The following PITPNC1 variants were observed in gnomAD, a reference collection of about 807,000 sequenced individuals.
PITPNC1 encodes cytoplasmic phosphatidylinositol transfer protein 1.
Under a neutral mutation model 44.7 loss-of-function variants are expected in PITPNC1, and 18 were observed. The ratio of observed to expected loss-of-function variants is 0.40; its 90% CI spans 0.28 to 0.60. The LOEUF (loss-of-function observed/expected upper bound fraction) is 0.60, where lower values mean the gene tolerates loss of function less well. PITPNC1 is among the 20% of genes least tolerant of loss of function. The probability of loss-of-function intolerance (pLI) is 0.39; values close to 1 mark genes in which losing one functional copy is unlikely to be tolerated. For missense variants in PITPNC1, 290 were observed against 418.4 expected (o/e 0.69, Z 2.68); for synonymous variants, 141 against 149.6 (o/e 0.94, Z 0.42).
intron 5 of PITPNC1, among the ~76,000 whole-genome samples, chr17:67,626,451 C>T (rs1237933620): frequency 2.0e-5 from 3 of 152,232 alleles, no homozygotes; most frequent in Non-Finnish European, 4.4e-5. Context: ...CTCACTGCAG[C>T]CTCCACCTCC....
At chr17:67,605,616 T>C (rs954223750) in intron 5 of PITPNC1, among the ~76,000 whole-genome samples, 1 of 152,096 alleles carries the variant, frequency 6.6e-6, no homozygotes, top group Non-Finnish European at 1.5e-5. Context: ...GTAAAAAGAG[T>C]ACAGTAAGTC....
chr17:67,511,259 C>T (rs2949934), intron 1 of PITPNC1, among the ~76,000 whole-genome samples: 18,497 of 152,096 alleles, frequency 0.12, 1,564 homozygotes, highest in African/African-American at 0.25. Context: ...TGATGGACAA[C>T]TGGAGTTTTT....
At chr17:67,669,715 T>C (rs377737163) in intron 7 of PITPNC1, 52 bp downstream of exon 7, 34 of 1,318,940 alleles carry the variant, frequency 2.6e-5, no homozygotes, top group Non-Finnish European at 3.3e-5. Flanking sequence ...ACTGTCTATA[T>C]TGCCAAATTG....
chr17:67,608,269 A>C (rs1177605414), intron 5 of PITPNC1, among the ~76,000 whole-genome samples: 2 of 142,534 alleles, frequency 1.4e-5, no homozygotes, highest in Non-Finnish European at 3.1e-5. Context: ...AAAAAAAAAA[A>C]CCACTTCCTA....
At chr17:67,430,662 A>G (rs1456993473) in intron 1 of PITPNC1, among the ~76,000 whole-genome samples, 1 of 151,180 alleles carries the variant, frequency 6.6e-6, no homozygotes, top group Non-Finnish European at 1.5e-5. Context: ...CTAAACAACA[A>G]CAACAAAACA....
intron 1 of PITPNC1, among the ~76,000 whole-genome samples, chr17:67,425,560 C>G (rs2038752418): frequency 7.0e-6 from 1 of 142,814 alleles, no homozygotes; most frequent in Admixed American, 7.3e-5. Context: ...CTTGCTCTGT[C>G]ACCCGGGCTG....
intron 1 of PITPNC1, among the ~76,000 whole-genome samples, chr17:67,431,033 T>C (rs2143895049): frequency 6.6e-6 from 1 of 151,556 alleles, no homozygotes; most frequent in South Asian, 2.1e-4. Context: ...AACTATTTCT[T>C]TAATTTTTAC....
chr17:67,645,405 C>T (rs1354446337), intron 6 of PITPNC1, among the ~76,000 whole-genome samples: 2 of 151,910 alleles, frequency 1.3e-5, no homozygotes, highest in Non-Finnish European at 2.9e-5. Context: ...GGAGGAGCTC[C>T]TGGTTAAGAT....
chr17:67,640,603 C>G (rs941878659), intron 6 of PITPNC1, among the ~76,000 whole-genome samples: 5 of 150,628 alleles, frequency 3.3e-5, no homozygotes, highest in African/African-American at 1.2e-4. Flanking sequence ...TCACTTGAAC[C>G]CAGGAGGCGA....
chr17:67,503,830 G>A (rs749174446), intron 1 of PITPNC1, among the ~76,000 whole-genome samples: 1 of 152,126 alleles, frequency 6.6e-6, no homozygotes, highest in Non-Finnish European at 1.5e-5. Context: ...TGTGTTGACT[G>A]AATTCAGGCT....
At chr17:67,632,001 C>T (rs904387314) in intron 5 of PITPNC1, 142 bp from the exon 6 acceptor site, 10 of 601,298 alleles carry the variant, frequency 1.7e-5, no homozygotes, top group Admixed American at 6.0e-5. Context: ...ATGATTCTTG[C>T]GCATTCTGAG....
chr17:67,521,564 C>G (rs1302077276), intron 1 of PITPNC1, among the ~76,000 whole-genome samples: 5 of 152,036 alleles, frequency 3.3e-5, no homozygotes, highest in African/African-American at 1.2e-4. Flanking sequence ...GAACTTTACA[C>G]CTTTTTTTTT....
At chr17:67,385,320 G>C (rs2038025799) in intron 1 of PITPNC1, among the ~76,000 whole-genome samples, 1 of 152,188 alleles carries the variant, frequency 6.6e-6, no homozygotes. Context: ...GCACCAATCA[G>C]CTCTCTGTGG....
chr17:67,620,913 G>T (rs558592856), intron 5 of PITPNC1, among the ~76,000 whole-genome samples: 1 of 152,214 alleles, frequency 6.6e-6, no homozygotes, highest in African/African-American at 2.4e-5. Flanking sequence ...GGTCATCACT[G>T]CCCTAGAGCC....
At chr17:67,651,353 A>G (rs61105778) in intron 6 of PITPNC1, among the ~76,000 whole-genome samples, 10,801 of 152,128 alleles carry the variant, frequency 0.071, 460 homozygotes, top group Middle Eastern at 0.13. Context: ...TCTCTACTAA[A>G]AATACAAAAA....
chr17:67,479,862 G>A (rs1349444191), intron 1 of PITPNC1, among the ~76,000 whole-genome samples: 1 of 152,058 alleles, frequency 6.6e-6, no homozygotes, highest in Non-Finnish European at 1.5e-5. Flanking sequence ...CTATTTCAAT[G>A]GTCTGCCTCA....
At chr17:67,420,085 G>A (rs2038649569) in intron 1 of PITPNC1, among the ~76,000 whole-genome samples, 1 of 152,166 alleles carries the variant, frequency 6.6e-6, no homozygotes, top group African/African-American at 2.4e-5. Context: ...CTGAGGGGTG[G>A]TAGAAACAAG....
chr17:67,557,617 C>G (rs1298769612), intron 4 of PITPNC1, among the ~76,000 whole-genome samples: 1 of 152,168 alleles, frequency 6.6e-6, no homozygotes, highest in Non-Finnish European at 1.5e-5. Flanking sequence ...GGCTCTAGTG[C>G]AGTCCTCCGG....
rs551912050 is a variant in PITPNC1 at position 67,378,953 on chromosome 17, G to C, written c.48+751G>C. ...GCTGCCGGCTGGGGGCGCCGGGCGC[G>C]GGGCGGGGGCTCGTCCTCCAAGCGC... On this transcript the variant is annotated intron_variant, in intron 1 of 8. Coordinates refer to ENST00000581322, the MANE Select transcript of PITPNC1 (RefSeq NM_012417.4). 1.9e-4 allele frequency: 187 copies of C among 984,842 alleles called. 1 individual carries two copies. The African/African-American group carries it at 3.1e-3, about 16-fold the overall frequency. The allele number at this position is 984,842 out of a possible 1,614,324, so 61.0% of individuals were successfully genotyped here.
Sources: gnomAD v4.1 joint callset for allele counts (sites outside exome capture counted in the v4.1 genomes callset) on GRCh38, gnomAD v4.1.1 for gene constraint, MANE v1.5 for transcripts, NCBI Gene and HGNC (gene_info 2026-07-23, HGNC 2026-07-21) for gene names.